The following TMEM117 variants were observed in gnomAD, a reference collection of about 807,000 sequenced individuals.
TMEM117 encodes the protein transmembrane protein 117.
TMEM117 carries 27 observed loss-of-function variants against 52.4 expected under a neutral mutation model. That is an observed-to-expected ratio of 0.51 (90% CI 0.38 to 0.71). The LOEUF is 0.71. TMEM117 is among the 30% of genes least tolerant of loss of function. The probability of loss-of-function intolerance (pLI) is 0.00; values close to 1 mark genes in which losing one functional copy is unlikely to be tolerated. For synonymous variants in TMEM117, 215 were observed against 206.3 expected (o/e 1.04, Z -0.36); for missense variants, 556 against 630.5 (o/e 0.88, Z 1.26).
chr12:44,245,497 G>C (rs911445024), intron 5 of TMEM117, among the ~76,000 whole-genome samples: 1 of 151,148 alleles, frequency 6.6e-6, no homozygotes, highest in African/African-American at 2.4e-5. Context: ...TTTTCAAATA[G>C]TTTGTTTTTA....
At chr12:44,146,825 A>G (rs1434678531) in intron 4 of TMEM117, among the ~76,000 whole-genome samples, 1 of 152,234 alleles carries the variant, frequency 6.6e-6, no homozygotes, top group Admixed American at 6.5e-5. Flanking sequence ...TACATTAACA[A>G]TCAAAGTGTG....
chr12:44,029,372 G>T (rs1031968248), intron 3 of TMEM117, among the ~76,000 whole-genome samples: 1 of 152,182 alleles, frequency 6.6e-6, no homozygotes. Flanking sequence ...ACTATGGTAA[G>T]CCTAATCCTT....
intron 4 of TMEM117, among the ~76,000 whole-genome samples, chr12:44,179,317 C>T (rs546974869): frequency 2.0e-5 from 3 of 152,212 alleles, no homozygotes; most frequent in South Asian, 4.1e-4. Flanking sequence ...ATCTGCAAGC[C>T]GGAGAAATAG....
At chr12:44,027,169 A>ATTTTATTTTT (rs1946552620) in intron 3 of TMEM117, among the ~76,000 whole-genome samples, 1 of 122,746 alleles carries the variant, frequency 8.1e-6, no homozygotes. Flanking sequence ...ATTTTATTTT[A>ATTTTATTTTT]TTTTATTTTA....
At chr12:44,091,665 C>T (rs12312516) in intron 3 of TMEM117, among the ~76,000 whole-genome samples, 1,966 of 152,194 alleles carry the variant, frequency 0.013, 47 homozygotes, top group African/African-American at 0.044. Context: ...ATTTTATTGT[C>T]AGTTGGCACA....
chr12:44,273,776 T>G (rs918715300), intron 5 of TMEM117, among the ~76,000 whole-genome samples: 3 of 151,930 alleles, frequency 2.0e-5, no homozygotes, highest in African/African-American at 7.3e-5. Context: ...TCCTTTATGA[T>G]AAAAAATGGA....
chr12:44,062,908 G>A (rs842200), intron 3 of TMEM117, among the ~76,000 whole-genome samples: 2,048 of 152,322 alleles, frequency 0.013, 55 homozygotes, highest in African/African-American at 0.047. Context: ...GGTTAGTTAT[G>A]AGTCCAGGTC....
chr12:44,351,811 C>A (rs953195034), intron 6 of TMEM117, among the ~76,000 whole-genome samples: 10 of 151,830 alleles, frequency 6.6e-5, no homozygotes, highest in African/African-American at 2.2e-4. Flanking sequence ...TGATTTACAA[C>A]AATTATAATA....
intron 6 of TMEM117, among the ~76,000 whole-genome samples, chr12:44,325,119 T>C (rs910423698): frequency 3.9e-5 from 6 of 152,242 alleles, no homozygotes; most frequent in Non-Finnish European, 5.9e-5. Context: ...TTGACATGCA[T>C]TTCTTTAATT....
At chr12:44,019,519 T>G (rs1946423927) in intron 3 of TMEM117, among the ~76,000 whole-genome samples, 1 of 152,128 alleles carries the variant, frequency 6.6e-6, no homozygotes, top group Non-Finnish European at 1.5e-5. Flanking sequence ...CTCTATACAT[T>G]TCTCTCCTCT....
At chr12:44,381,026 T>A (rs1952012789) in intron 7 of TMEM117, among the ~76,000 whole-genome samples, 1 of 152,178 alleles carries the variant, frequency 6.6e-6, no homozygotes, top group Admixed American at 6.5e-5. Flanking sequence ...TCCAAGCTAG[T>A]TTTATTTATG....
At chr12:44,145,125 C>T (rs142584408) in intron 4 of TMEM117, among the ~76,000 whole-genome samples, 1,860 of 152,258 alleles carry the variant, frequency 0.012, 32 homozygotes, top group African/African-American at 0.042. Flanking sequence ...CCACTGAACT[C>T]CAGCCTGGGC....
intron 5 of TMEM117, among the ~76,000 whole-genome samples, chr12:44,238,273 A>G (rs989877822): frequency 6.6e-6 from 1 of 152,150 alleles, no homozygotes; most frequent in Non-Finnish European, 1.5e-5. Context: ...CTTTACAAAT[A>G]TTGTAAGTAC....
chr12:44,100,774 A>G (rs1947847756), intron 3 of TMEM117, among the ~76,000 whole-genome samples: 1 of 151,976 alleles, frequency 6.6e-6, no homozygotes, highest in South Asian at 2.1e-4. Context: ...CCAGTGCTTA[A>G]TAAAAGTACT....
At chr12:44,179,053 G>T (rs974933157) in intron 4 of TMEM117, among the ~76,000 whole-genome samples, 1 of 152,090 alleles carries the variant, frequency 6.6e-6, no homozygotes, top group Non-Finnish European at 1.5e-5. Context: ...AATTAGCCTG[G>T]TGTGGTGGTG....
At chr12:44,016,213 T>C (rs999384707) in intron 3 of TMEM117, among the ~76,000 whole-genome samples, 7 of 152,192 alleles carry the variant, frequency 4.6e-5, no homozygotes, top group Non-Finnish European at 1.0e-4. Flanking sequence ...CTCCTGGTGC[T>C]GTTCAGTGGC....
intron 2 of TMEM117, among the ~76,000 whole-genome samples, chr12:43,933,019 G>C (rs947799606): frequency 6.6e-6 from 1 of 152,136 alleles, no homozygotes; most frequent in Non-Finnish European, 1.5e-5. Flanking sequence ...GATTGCTTAA[G>C]ACCATGGAAA....
intron 6 of TMEM117, among the ~76,000 whole-genome samples, chr12:44,340,485 C>G (rs840772): frequency 1.3e-5 from 2 of 151,908 alleles, no homozygotes; most frequent in Non-Finnish European, 2.9e-5. Flanking sequence ...ACCACAGTTC[C>G]GTTCTCAGTA....
chr12:43,806,305 GC>G, the TMEM117 span: 1 of 1,429,990 alleles, frequency 7.0e-7, no homozygotes, highest in Non-Finnish European at 9.2e-7. Flanking sequence ...CCGGCCGGCG[GC>G]CCCAGGAAGT....
Sources: allele counts gnomAD v4.1 joint callset (sites outside exome capture counted in the v4.1 genomes callset), GRCh38; gene constraint gnomAD v4.1.1; transcripts MANE v1.5; gene names NCBI Gene and HGNC (gene_info 2026-07-23, HGNC 2026-07-21).